The following CADM2 variants were observed in gnomAD, a reference collection of about 807,000 sequenced individuals.
The protein encoded by CADM2 is immunoglobulin superfamily member 4D.
A neutral mutation model predicts 49.8 loss-of-function variants in CADM2; 12 were observed. That is an observed-to-expected ratio of 0.24 (90% CI 0.15 to 0.39). CADM2 has a LOEUF of 0.39. Among genes scored for constraint, CADM2 ranks in the 10% least tolerant of loss-of-function variants. The pLI is 1.00. For synonymous variants in CADM2, 214 were observed against 175.4 expected, an observed-to-expected ratio of 1.22 and a Z score of -1.74; for missense variants, 378 against 492.3, an observed-to-expected ratio of 0.77 and a Z score of 2.20.
At chr3:85,831,922 C>A (rs541989524) in intron 3 of CADM2, among the ~76,000 whole-genome samples, 1 of 151,964 alleles carries the variant, frequency 6.6e-6, no homozygotes, top group East Asian at 1.9e-4. Flanking sequence ...AATGGTGATT[C>A]TTAGGTTTTC....
chr3:85,551,660 G>A (rs1004341593), intron 1 of CADM2, among the ~76,000 whole-genome samples: 1 of 152,150 alleles, frequency 6.6e-6, no homozygotes, highest in South Asian at 2.1e-4. Context: ...AGAACTGAGT[G>A]CATTATCCAT....
intron 1 of CADM2, among the ~76,000 whole-genome samples, chr3:85,233,371 G>C (rs1303697834): frequency 6.6e-6 from 1 of 151,998 alleles, no homozygotes; most frequent in African/African-American, 2.4e-5. Context: ...CAACCCTAAG[G>C]TAACCATGGA....
chr3:86,026,484 A>G (rs1334715546), intron 8 of CADM2, among the ~76,000 whole-genome samples: 1 of 152,178 alleles, frequency 6.6e-6, no homozygotes, highest in Non-Finnish European at 1.5e-5. Context: ...GCAAGAAAGC[A>G]CTATAGAAAT....
At chr3:84,983,808 T>A (rs1311019516) in intron 1 of CADM2, among the ~76,000 whole-genome samples, 2 of 152,154 alleles carry the variant, frequency 1.3e-5, no homozygotes, top group Non-Finnish European at 2.9e-5. Flanking sequence ...TTTTTATTTT[T>A]CATTCTTGGA....
At chr3:85,314,387 T>A (rs1441667518) in intron 1 of CADM2, among the ~76,000 whole-genome samples, 1 of 151,988 alleles carries the variant, frequency 6.6e-6, no homozygotes, top group African/African-American at 2.4e-5. Context: ...AAAATAATAA[T>A]TTTTTATATT....
chr3:85,638,737 C>T (rs1403828905), intron 1 of CADM2, among the ~76,000 whole-genome samples: 1 of 151,966 alleles, frequency 6.6e-6, no homozygotes, highest in East Asian at 1.9e-4. Flanking sequence ...CTGAAGGTTT[C>T]TTTCTTTATC....
intron 8 of CADM2, among the ~76,000 whole-genome samples, chr3:85,968,099 A>G (rs766882438): frequency 3.3e-5 from 5 of 151,652 alleles, no homozygotes; most frequent in Non-Finnish European, 7.4e-5. Context: ...GAAGAGCCCT[A>G]TGGTTGCTGC....
intron 8 of CADM2, chr3:85,994,156 A>T (rs1335779401): frequency 1.3e-5 from 2 of 152,216 alleles, no homozygotes; most frequent in East Asian, 3.8e-4. Context: ...TGCCTTCATT[A>T]GTGATCTTAG....
chr3:85,440,419 TA>T (rs1367358437), intron 1 of CADM2, among the ~76,000 whole-genome samples: 1 of 152,154 alleles, frequency 6.6e-6, no homozygotes, highest in East Asian at 1.9e-4. Context: ...CTCTTTTATC[TA>T]AAATTTTATT....
chr3:85,964,298 A>G (rs1485477985), intron 8 of CADM2, among the ~76,000 whole-genome samples: 1 of 151,800 alleles, frequency 6.6e-6, no homozygotes, highest in East Asian at 2.0e-4. Context: ...ATATAGCTCT[A>G]GTACAGAGGA....
intron 7 of CADM2, among the ~76,000 whole-genome samples, chr3:85,958,417 C>T (rs1024382801): frequency 2.6e-5 from 4 of 151,752 alleles, no homozygotes; most frequent in Non-Finnish European, 5.9e-5. Context: ...GAACCAGAAA[C>T]ACCATTTAAC....
intron 1 of CADM2, among the ~76,000 whole-genome samples, chr3:85,359,199 G>T (rs766281928): frequency 6.6e-6 from 1 of 152,086 alleles, no homozygotes; most frequent in African/African-American, 2.4e-5. Context: ...GGACTAGAAG[G>T]CAGCAATTCT....
intron 1 of CADM2, among the ~76,000 whole-genome samples, chr3:85,148,032 C>T (rs2039805706): frequency 6.6e-6 from 1 of 152,306 alleles, no homozygotes; most frequent in Admixed American, 6.5e-5. Context: ...AAGTTATAAA[C>T]TTTGTAAGTC....
At chr3:85,371,529 T>TAGG (rs2033221634) in intron 1 of CADM2, among the ~76,000 whole-genome samples, 1 of 151,570 alleles carries the variant, frequency 6.6e-6, no homozygotes, top group South Asian at 2.1e-4. Context: ...GTAAGTACAC[T>TAGG]CTATGGTCTT....
At chr3:85,668,025 C>A (rs1205032046) in intron 1 of CADM2, among the ~76,000 whole-genome samples, 1 of 151,860 alleles carries the variant, frequency 6.6e-6, no homozygotes, top group Non-Finnish European at 1.5e-5. Context: ...TCATAGTAGA[C>A]CTTCAACAAA....
At chr3:85,540,863 A>T (rs1396225771) in intron 1 of CADM2, among the ~76,000 whole-genome samples, 1 of 152,070 alleles carries the variant, frequency 6.6e-6, no homozygotes, top group African/African-American at 2.4e-5. Context: ...AGGCTTGCAG[A>T]TTCTTCCCAC....
chr3:84,979,243 G>C (rs2032017430), intron 1 of CADM2, among the ~76,000 whole-genome samples: 1 of 152,160 alleles, frequency 6.6e-6, no homozygotes, highest in African/African-American at 2.4e-5. Flanking sequence ...AGTGGTGTTT[G>C]TAAACTTCTA....
At chr3:85,990,464 T>TGGGA (rs1728648148) in intron 8 of CADM2, among the ~76,000 whole-genome samples, 1 of 152,148 alleles carries the variant, frequency 6.6e-6, no homozygotes, top group Non-Finnish European at 1.5e-5. Context: ...CCATCATAAA[T>TGGGA]TTAGGCGCAT....
intron 1 of CADM2, among the ~76,000 whole-genome samples, chr3:85,200,729 G>A (rs1346230905): frequency 6.6e-6 from 1 of 151,866 alleles, no homozygotes; most frequent in African/African-American, 2.4e-5. Flanking sequence ...TAAAAATGTT[G>A]GATTTTTACA....
Sources: gnomAD v4.1 joint callset for allele counts (sites outside exome capture counted in the v4.1 genomes callset) on GRCh38, gnomAD v4.1.1 for gene constraint, MANE v1.5 for transcripts, NCBI Gene and HGNC (gene_info 2026-07-23, HGNC 2026-07-21) for gene names.